Variants in UBR3 observed in about 807,000 individuals in gnomAD.
UBR3 encodes ubiquitin protein ligase E3 component n-recognin 3, also known as E3 ubiquitin-protein ligase UBR3.
A neutral mutation model predicts 243.2 loss-of-function variants in UBR3; 85 were observed. That is an observed-to-expected ratio of 0.35 (90% CI 0.29 to 0.42). UBR3 has a LOEUF of 0.42. UBR3 is among the 10% of genes least tolerant of loss of function. UBR3 has a pLI of 1.00. For missense variants in UBR3, 1,686 were observed against 2,300.8 expected, an observed-to-expected ratio of 0.73 and a Z score of 5.47; for synonymous variants, 748 against 799.8, an observed-to-expected ratio of 0.94 and a Z score of 1.09.
intron 24 of UBR3, among the ~76,000 whole-genome samples, chr2:169,972,220 G>A (rs959059721): frequency 2.0e-5 from 3 of 152,182 alleles, no homozygotes; most frequent in African/African-American, 4.8e-5. Flanking sequence ...CCAGGAAGAA[G>A]TTGAATCTCT....
At chr2:170,066,310 A>G (rs1166662211) in intron 35 of UBR3, among the ~76,000 whole-genome samples, 2 of 152,222 alleles carry the variant, frequency 1.3e-5, no homozygotes, top group African/African-American at 4.8e-5. Flanking sequence ...AGGACTAATG[A>G]TAGTAACCTA....
intron 1 of UBR3, among the ~76,000 whole-genome samples, chr2:169,837,968 A>G (rs2082162255): frequency 6.6e-6 from 1 of 152,212 alleles, no homozygotes; most frequent in Non-Finnish European, 1.5e-5. Flanking sequence ...TCTTATAACA[A>G]TACCATACTA....
chr2:170,080,195 C>A, intron 37 of UBR3, 172 bp downstream of exon 37: 1 of 662,446 alleles, frequency 1.5e-6, no homozygotes, highest in Non-Finnish European at 2.5e-6. Flanking sequence ...GTCTTTGAGG[C>A]TTTAAGTGAG....
chr2:170,049,274 A>G (rs910490909), intron 32 of UBR3, among the ~76,000 whole-genome samples: 1 of 152,252 alleles, frequency 6.6e-6, no homozygotes, highest in African/African-American at 2.4e-5. Flanking sequence ...TAAGAAAATT[A>G]TAAGAGAGAA....
chr2:169,951,779 A>G (rs888916332), intron 23 of UBR3, among the ~76,000 whole-genome samples: 1 of 152,084 alleles, frequency 6.6e-6, no homozygotes, highest in Non-Finnish European at 1.5e-5. Flanking sequence ...GAACTAAGAC[A>G]GTGATGATAA....
intron 30 of UBR3, among the ~76,000 whole-genome samples, chr2:170,026,587 C>T (rs2090535585): frequency 6.6e-6 from 1 of 152,100 alleles, no homozygotes; most frequent in Non-Finnish European, 1.5e-5. Context: ...TCCTCCCAGA[C>T]AGTGGTGCTT....
chr2:169,993,717 A>G (rs886731033), intron 25 of UBR3, among the ~76,000 whole-genome samples: 1 of 152,210 alleles, frequency 6.6e-6, no homozygotes. Flanking sequence ...ATAGGATGAT[A>G]CGTTAAGACT....
At chr2:169,942,389 C>T (rs1015320257) in intron 19 of UBR3, 104 bp from the exon 20 acceptor site, 1 of 1,139,962 alleles carries the variant, frequency 8.8e-7, no homozygotes, top group Non-Finnish European at 1.2e-6. Flanking sequence ...AAAAATAGCA[C>T]TGCATAAAAT....
At chr2:169,854,466 C>A (rs1381165912) in intron 1 of UBR3, among the ~76,000 whole-genome samples, 1 of 151,952 alleles carries the variant, frequency 6.6e-6, no homozygotes, top group African/African-American at 2.4e-5. Flanking sequence ...TAGAGTTAAC[C>A]CTTTTTTTGT....
At chr2:170,070,514 C>CGTCTT (rs1474623058) in intron 35 of UBR3, among the ~76,000 whole-genome samples, 4 of 152,066 alleles carry the variant, frequency 2.6e-5, no homozygotes, top group Non-Finnish European at 4.4e-5. Context: ...GAAAAAAAGA[C>CGTCTT]ATCCAGATTG....
chr2:170,070,459 C>G (rs1236441012), intron 35 of UBR3, among the ~76,000 whole-genome samples: 1 of 151,988 alleles, frequency 6.6e-6, no homozygotes, highest in Non-Finnish European at 1.5e-5. Context: ...CACCACTTTT[C>G]AGCATTGTAC....
At chr2:170,060,986 TCA>T (rs896966180) in intron 33 of UBR3, 91 bp from the exon 34 acceptor site, 17 of 829,144 alleles carry the variant, frequency 2.1e-5, no homozygotes, top group Non-Finnish European at 2.8e-5. Flanking sequence ...AATAATATAA[TCA>T]CAGTTTTACT....
chr2:170,013,072 T>A (rs2090131898), intron 29 of UBR3, among the ~76,000 whole-genome samples: 1 of 152,274 alleles, frequency 6.6e-6, no homozygotes, highest in Non-Finnish European at 1.5e-5. Flanking sequence ...TTAGAAAATA[T>A]AGAAAAGAGT....
At chr2:169,891,675 G>A (rs979155489) in intron 6 of UBR3, among the ~76,000 whole-genome samples, 3 of 151,194 alleles carry the variant, frequency 2.0e-5, no homozygotes, top group Non-Finnish European at 2.9e-5. Context: ...ACGTCATAAA[G>A]GCTCAGTAGG....
intron 1 of UBR3, among the ~76,000 whole-genome samples, chr2:169,861,661 C>T (rs540542181): frequency 1.3e-5 from 2 of 150,684 alleles, no homozygotes; most frequent in East Asian, 3.9e-4. Context: ...TATTTTTGTA[C>T]AGAAATGTTT....
chr2:169,977,796 G>C (rs2088525341), intron 24 of UBR3, among the ~76,000 whole-genome samples: 2 of 152,158 alleles, frequency 1.3e-5, no homozygotes, highest in Non-Finnish European at 2.9e-5. Flanking sequence ...CAGCCATCTA[G>C]GCATCCCTCA....
intron 1 of UBR3, among the ~76,000 whole-genome samples, chr2:169,852,883 A>AAAAAAAAAAAAAAAC (rs1491293579): frequency 1.7e-5 from 1 of 59,732 alleles, no homozygotes; most frequent in Non-Finnish European, 5.7e-5. Context: ...AAAAAACAAA[A>AAAAAAAAAAAAAAAC]CCAAACAAAT....
intron 29 of UBR3, among the ~76,000 whole-genome samples, chr2:170,010,445 T>C (rs1412761281): frequency 6.6e-6 from 1 of 152,210 alleles, no homozygotes; most frequent in Non-Finnish European, 1.5e-5. Context: ...CTTTATTGAA[T>C]GGGAATAATC....
chr2:170,023,138 GT>G (rs796146588), intron 30 of UBR3, among the ~76,000 whole-genome samples: 6,060 of 149,668 alleles, frequency 0.04, 175 homozygotes, highest in East Asian at 0.11. Flanking sequence ...GGCTAGTTGA[GT>G]TTTTTTTTTT....
Sources: allele counts gnomAD v4.1 joint callset (sites outside exome capture counted in the v4.1 genomes callset), GRCh38; gene constraint gnomAD v4.1.1; transcripts MANE v1.5; gene names NCBI Gene and HGNC (gene_info 2026-07-23, HGNC 2026-07-21).